The following FRMD4A variants were observed in gnomAD, a reference collection of about 807,000 sequenced individuals.
FRMD4A encodes FERM domain containing 4A.
A neutral mutation model predicts 129.1 loss-of-function variants in FRMD4A; 29 were observed. The ratio of observed to expected loss-of-function variants is 0.22; its 90% confidence interval spans 0.17 to 0.31. The LOEUF (loss-of-function observed/expected upper bound fraction) is 0.31. FRMD4A is among the 10% of genes least tolerant of loss of function. The probability of loss-of-function intolerance (pLI) is 1.00; values close to 1 mark genes in which losing one functional copy is unlikely to be tolerated. For synonymous variants in FRMD4A, 634 were observed against 571.6 expected, an observed-to-expected ratio of 1.11 and a Z score of -1.56; for missense variants, 1,272 against 1,375.8, an observed-to-expected ratio of 0.92 and a Z score of 1.19.
At chr10:13,977,869 C>T (rs972247142) in intron 2 of FRMD4A, among the ~76,000 whole-genome samples, 10 of 152,204 alleles carry the variant, frequency 6.6e-5, no homozygotes, top group African/African-American at 2.2e-4. Context: ...TGTGGAAAGA[C>T]CATGTTGTGT....
rs535601218 is a variant in FRMD4A at position 13,752,344 on chromosome 10, C to T, written c.465-4525G>A. ...CAAATAGAGAATTTGCCACAGTGAA[C>T]AGCAGATTTAACCAAGATGCCACAA... On this transcript the variant is annotated intron_variant, in intron 8 of 24. Coordinates refer to ENST00000357447, the MANE Select transcript of FRMD4A (RefSeq NM_018027.5). Among the ~76,000 whole-genome samples, 7 of 152,256 alleles carry T rather than the reference C, an allele frequency of 4.6e-5. No individual in the cohort carries two copies. The East Asian group carries it at 1.4e-3, about 29-fold the overall frequency.
intron 3 of FRMD4A, among the ~76,000 whole-genome samples, chr10:13,855,732 T>C (rs114376387): frequency 2.6e-3 from 397 of 152,204 alleles, no homozygotes; most frequent in African/African-American, 9.2e-3. Context: ...AAATATGAAA[T>C]AGTTTAGGTC....
intron 2 of FRMD4A, among the ~76,000 whole-genome samples, chr10:14,052,510 T>A (rs998488145): frequency 3.3e-5 from 5 of 152,126 alleles, no homozygotes; most frequent in Admixed American, 6.6e-5. Flanking sequence ...GGAGCCAGCA[T>A]GACATGGCAA....
intron 3 of FRMD4A, among the ~76,000 whole-genome samples, chr10:13,819,081 T>C (rs1297633540): frequency 6.6e-6 from 1 of 152,050 alleles, no homozygotes; most frequent in Non-Finnish European, 1.5e-5. Context: ...TGAGCCGAGA[T>C]CGCACCACTA....
chr10:13,971,724 G>A, intron 2 of FRMD4A: 5 of 1,304,360 alleles, frequency 3.8e-6, no homozygotes, highest in Non-Finnish European at 5.1e-6. Context: ...TTCCTCACTT[G>A]GCAGGTCCTC....
intron 12 of FRMD4A, among the ~76,000 whole-genome samples, chr10:13,730,218 C>A (rs1277896857): frequency 1.3e-5 from 2 of 152,128 alleles, no homozygotes; most frequent in African/African-American, 4.8e-5. Context: ...ACGTAAGGAC[C>A]CCTCCCCTAC....
chr10:13,980,838 A>G (rs1175438509), intron 2 of FRMD4A, among the ~76,000 whole-genome samples: 1 of 152,240 alleles, frequency 6.6e-6, no homozygotes, highest in Admixed American at 6.5e-5. Context: ...ATCCAACACA[A>G]ATAAAACAAA....
intron 14 of FRMD4A, among the ~76,000 whole-genome samples, 172 bp from the exon 15 acceptor site, chr10:13,694,211 ACT>A (rs2086000818): frequency 6.6e-6 from 1 of 151,516 alleles, no homozygotes; most frequent in East Asian, 1.9e-4. Context: ...AATCACCGAA[ACT>A]CTCTGCGAAG....
Position 14,173,314 on chromosome 10 carries a change from G to A in FRMD4A, c.45+156744C>T, listed in dbSNP as rs112292677. ...TATAATGGAAAACCCCACGTTCAAAGCGTCTCTTGAAAGTGAAAAAGCAAA... is the reference window on the plus strand; with the variant it reads ...TATAATGGAAAACCCCACGTTCAAAACGTCTCTTGAAAGTGAAAAAGCAAA... On this transcript the variant is annotated intron_variant, in intron 2 of 24. Coordinates refer to ENST00000357447, the MANE Select transcript of FRMD4A (RefSeq NM_018027.5). 1.9e-3 allele frequency among the ~76,000 whole-genome samples: 294 copies of A among 152,270 alleles called. 1 individual carries two copies. The highest frequency in any genetic ancestry group is 6.7e-3 in the African/African-American group (277 of 41,558).
chr10:13,755,823 G>C (rs11258582), intron 8 of FRMD4A, among the ~76,000 whole-genome samples: 68,003 of 152,048 alleles, frequency 0.45, 17,000 homozygotes, highest in African/African-American at 0.69. Context: ...TCATCTTGTA[G>C]AGATGTCATG....
rs1309020349 is a variant in FRMD4A at position 14,011,959 on chromosome 10, A to T, written c.46-153047T>A. 2.0e-5 allele frequency among the ~76,000 whole-genome samples: 3 copies of T among 150,878 alleles called. No individual in the cohort carries two copies. In the Admixed American group the frequency reaches 2.0e-4, roughly 10 times the overall value. The stretch of plus-strand genomic sequence containing the variant: ...GGGAGGTGGAGGTTGTAGCGAGCTG[A>T]GATTGCACCACTGCACTCCAGCCTG... On this transcript the variant is annotated intron_variant, in intron 2 of 24. Coordinates refer to ENST00000357447, the MANE Select transcript of FRMD4A (RefSeq NM_018027.5).
chr10:14,152,973 G>A (rs1017099692), intron 2 of FRMD4A, among the ~76,000 whole-genome samples: 24 of 152,160 alleles, frequency 1.6e-4, no homozygotes, highest in Non-Finnish European at 3.4e-4. Context: ...GATCCCAGGC[G>A]GCTCCTGGGA....
At chr10:14,175,584 C>T (rs931322814) in intron 2 of FRMD4A, among the ~76,000 whole-genome samples, 1 of 144,514 alleles carries the variant, frequency 6.9e-6, no homozygotes. Flanking sequence ...TACAGTGGTG[C>T]AATGATGATG....
intron 2 of FRMD4A, among the ~76,000 whole-genome samples, chr10:13,953,362 C>T (rs545020724): frequency 6.6e-6 from 1 of 152,266 alleles, no homozygotes; most frequent in Admixed American, 6.5e-5. Flanking sequence ...ACCATAGTCC[C>T]CCATTATCTA....
At chr10:14,286,345 G>C (rs1845680699) in intron 2 of FRMD4A, among the ~76,000 whole-genome samples, 1 of 152,190 alleles carries the variant, frequency 6.6e-6, no homozygotes, top group South Asian at 2.1e-4. Flanking sequence ...GGAAGGACGA[G>C]ACGCTCCCGT....
chr10:14,188,138 T>C (rs1842205140), intron 2 of FRMD4A, among the ~76,000 whole-genome samples: 1 of 152,216 alleles, frequency 6.6e-6, no homozygotes, highest in South Asian at 2.1e-4. Flanking sequence ...TTGTTTTTCA[T>C]GTAAAAATGA....
intron 2 of FRMD4A, among the ~76,000 whole-genome samples, chr10:13,905,880 G>C (rs1299784849): frequency 6.6e-6 from 1 of 152,212 alleles, no homozygotes; most frequent in African/African-American, 2.4e-5. Flanking sequence ...GTCTCAGATT[G>C]GTTTCTGGAG....
intron 2 of FRMD4A, among the ~76,000 whole-genome samples, chr10:13,922,278 A>C (rs1443382210): frequency 7.0e-6 from 1 of 142,040 alleles, no homozygotes; most frequent in East Asian, 2.1e-4. Flanking sequence ...TATCCCTTAC[A>C]TTGGTGATAA....
intron 2 of FRMD4A, among the ~76,000 whole-genome samples, chr10:14,138,842 T>C (rs768933317): frequency 2.0e-5 from 3 of 152,154 alleles, no homozygotes; most frequent in Non-Finnish European, 4.4e-5. Flanking sequence ...AATATTCAGG[T>C]AGGGCAACTG....
Sources: allele counts gnomAD v4.1 joint callset (sites outside exome capture counted in the v4.1 genomes callset), GRCh38; gene constraint gnomAD v4.1.1; transcripts MANE v1.5; gene names NCBI Gene and HGNC (gene_info 2026-07-23, HGNC 2026-07-21).